The following FARS2 variants were observed in gnomAD, a reference collection of about 807,000 sequenced individuals.
FARS2 encodes phenylalanine--tRNA ligase, mitochondrial.
In FARS2, 40 loss-of-function variants were observed where a neutral mutation model predicts 46.4. The ratio of observed to expected loss-of-function variants is 0.86; its 90% CI spans 0.67 to 1.12. FARS2 has a LOEUF of 1.12. Among genes scored for constraint, FARS2 ranks in the 50% most tolerant of loss-of-function variants. The pLI is 0.00. For synonymous variants in FARS2, 234 were observed against 214.9 expected (o/e 1.09, Z -0.78); for missense variants, 513 against 567.9 (o/e 0.90, Z 0.98).
chr6:5,367,600 A>G (rs1300600521), intron 1 of FARS2, among the ~76,000 whole-genome samples: 1 of 151,586 alleles, frequency 6.6e-6, no homozygotes, highest in East Asian at 1.9e-4. Flanking sequence ...CGCCTATACT[A>G]GATGACAGCT....
intron 6 of FARS2, among the ~76,000 whole-genome samples, chr6:5,770,616 G>T (rs1333314897): frequency 6.6e-6 from 1 of 152,188 alleles, no homozygotes; most frequent in South Asian, 2.1e-4. Flanking sequence ...CAACTGACCA[G>T]TGTGTCTTAG....
intron 4 of FARS2, among the ~76,000 whole-genome samples, chr6:5,519,852 TA>T (rs1404863029): frequency 6.6e-6 from 1 of 152,246 alleles, no homozygotes; most frequent in Non-Finnish European, 1.5e-5. Context: ...TAACAAGCTA[TA>T]TTGAGAAAGT....
At chr6:5,767,687 T>G (rs997997646) in intron 6 of FARS2, among the ~76,000 whole-genome samples, 26 of 152,282 alleles carry the variant, frequency 1.7e-4, no homozygotes, top group Middle Eastern at 6.8e-3. Context: ...AGTAATGCTG[T>G]TTACTCAATG....
chr6:5,499,850 A>G (rs1352455559), intron 4 of FARS2, among the ~76,000 whole-genome samples: 1 of 152,126 alleles, frequency 6.6e-6, no homozygotes, highest in East Asian at 1.9e-4. Context: ...GTCACTAACT[A>G]CTTAAACTTT....
chr6:5,745,201 A>G (rs1761567286), intron 6 of FARS2, among the ~76,000 whole-genome samples: 2 of 152,254 alleles, frequency 1.3e-5, no homozygotes, highest in African/African-American at 4.8e-5. Flanking sequence ...ATTCTCAGGG[A>G]AAATGGCCCC....
chr6:5,393,717 TATA>T (rs1760724994), intron 2 of FARS2, among the ~76,000 whole-genome samples: 1 of 152,160 alleles, frequency 6.6e-6, no homozygotes, highest in Non-Finnish European at 1.5e-5. Flanking sequence ...CAGTGTGAGG[TATA>T]ATTAGTATTA....
chr6:5,688,617 G>A (rs539608959), intron 6 of FARS2, among the ~76,000 whole-genome samples: 6 of 152,236 alleles, frequency 3.9e-5, no homozygotes, highest in South Asian at 2.1e-4. Flanking sequence ...ATATTATTGA[G>A]GATTTTTGCA....
chr6:5,369,193 A>C lies in FARS2; in HGVS notation c.612+11A>C. On this transcript the variant is annotated intron_variant, in intron 2 of 6. Coordinates refer to ENST00000274680, the MANE Select transcript of FARS2 (RefSeq NM_006567.5). ...TTCTCCAAGCATGAGGTGAGTCTTG[A>C]GATGTTTCTCATCGCTGAAGGATGT... The C allele has an allele frequency of 6.2e-7, 1 of 1,600,362 alleles. No homozygotes were observed. Among genetic ancestry groups the C allele is most frequent in the Non-Finnish European group, 8.5e-7 (1 of 1,177,632 alleles).
intron 3 of FARS2, 38 bp downstream of exon 3, chr6:5,404,739 A>T: frequency 7.0e-7 from 1 of 1,426,904 alleles, no homozygotes. Flanking sequence ...CTCTTATCTG[A>T]AATACTTGGG....
At chr6:5,460,764 T>C (rs972490920) in intron 4 of FARS2, among the ~76,000 whole-genome samples, 13 of 152,200 alleles carry the variant, frequency 8.5e-5, no homozygotes, top group African/African-American at 2.7e-4. Context: ...CGAGCCAAGC[T>C]GCAGAATGAT....
At chr6:5,639,939 G>T (rs1274245943) in intron 6 of FARS2, among the ~76,000 whole-genome samples, 1 of 152,106 alleles carries the variant, frequency 6.6e-6, no homozygotes, top group Non-Finnish European at 1.5e-5. Context: ...TTTCCTCAGT[G>T]GTCTCTTTAG....
intron 6 of FARS2, among the ~76,000 whole-genome samples, chr6:5,694,175 T>C (rs1375233935): frequency 6.6e-6 from 1 of 152,202 alleles, no homozygotes; most frequent in Non-Finnish European, 1.5e-5. Context: ...TCTGAAAACA[T>C]GTTAATAGGA....
At chr6:5,331,172 T>G (rs1450600934) in intron 1 of FARS2, among the ~76,000 whole-genome samples, 1 of 152,132 alleles carries the variant, frequency 6.6e-6, no homozygotes, top group Non-Finnish European at 1.5e-5. Flanking sequence ...TCTATGATAT[T>G]TTCAGTATTT....
intron 5 of FARS2, among the ~76,000 whole-genome samples, chr6:5,593,346 G>T (rs1460436660): frequency 6.6e-6 from 1 of 150,542 alleles, no homozygotes; most frequent in Non-Finnish European, 1.5e-5. Flanking sequence ...GTGCACGGCC[G>T]TACCCAGTAA....
intron 6 of FARS2, among the ~76,000 whole-genome samples, chr6:5,680,031 A>G (rs979970934): frequency 6.6e-6 from 1 of 152,362 alleles, no homozygotes; most frequent in Admixed American, 6.5e-5. Context: ...CAATATGGAA[A>G]CAGCTATTGC....
intron 1 of FARS2, among the ~76,000 whole-genome samples, chr6:5,315,588 A>G (rs1169410233): frequency 1.3e-5 from 2 of 152,186 alleles, no homozygotes; most frequent in African/African-American, 2.4e-5. Flanking sequence ...ATCACAACCT[A>G]AAAACCAAAC....
chr6:5,293,680 G>A lies in FARS2; in HGVS notation c.-22+32020G>A, dbSNP rs531888183. Among the ~76,000 whole-genome samples, 4 of 152,264 alleles carry A rather than the reference G, an allele frequency of 2.6e-5. No homozygotes were observed. The East Asian group carries it at 5.8e-4, about 22-fold the overall frequency. ...AAAACAAATTAGAAACTCCATGTACGATTTTTTTTGTTGTCGTTGTTCATC... is the reference window on the plus strand; with the variant it reads ...AAAACAAATTAGAAACTCCATGTACAATTTTTTTTGTTGTCGTTGTTCATC... On this transcript the variant is annotated intron_variant, in intron 1 of 6. Transcript: ENST00000274680.
intron 6 of FARS2, among the ~76,000 whole-genome samples, chr6:5,658,085 C>T (rs1777683970): frequency 6.6e-6 from 1 of 152,086 alleles, no homozygotes; most frequent in Non-Finnish European, 1.5e-5. Flanking sequence ...GGAGGAACCC[C>T]TTCTCTACTA....
chr6:5,620,818 A>G (rs930716781), intron 6 of FARS2, among the ~76,000 whole-genome samples: 4 of 152,350 alleles, frequency 2.6e-5, no homozygotes, highest in East Asian at 1.9e-4. Flanking sequence ...GATGGGCTCC[A>G]CTTGAGTCAG....
Sources: gnomAD v4.1 joint callset for allele counts (sites outside exome capture counted in the v4.1 genomes callset) on GRCh38, gnomAD v4.1.1 for gene constraint, MANE v1.5 for transcripts, NCBI Gene and HGNC (gene_info 2026-07-23, HGNC 2026-07-21) for gene names.